The following ARIH1 variants were observed in gnomAD, a reference collection of about 807,000 sequenced individuals.
ARIH1 encodes the protein E3 ubiquitin-protein ligase ARIH1.
In ARIH1, 8 loss-of-function variants were observed where a neutral mutation model predicts 85.0. That is an observed-to-expected ratio of 0.09 (90% CI 0.06 to 0.17). The LOEUF is 0.17. Among genes scored for constraint, ARIH1 ranks in the 10% least tolerant of loss-of-function variants. The probability of loss-of-function intolerance (pLI) is 1.00; values close to 1 mark genes in which losing one functional copy is unlikely to be tolerated. For synonymous variants in ARIH1, 238 were observed against 253.6 expected (o/e 0.94, Z 0.59); for missense variants, 311 against 718.1 (o/e 0.43, Z 6.48).
rs2064375421 is a variant in ARIH1 at position 72,599,678 on chromosome 15, T to C, written c.*16386T>C. ...AAACATGAATGGAAGCATACTATATTTTCTACACTTTATTTGTTTTATGTA... is the reference window on the plus strand; with the variant it reads ...AAACATGAATGGAAGCATACTATATCTTCTACACTTTATTTGTTTTATGTA... On this transcript the variant is annotated 3_prime_UTR_variant, in exon 14 of 14. Coordinates refer to ENST00000379887, the MANE Select transcript of ARIH1 (RefSeq NM_005744.5). 1 of 152,190 alleles carries C rather than the reference T, an allele frequency of 6.6e-6. No homozygotes were observed. Among genetic ancestry groups the C allele is most frequent in the African/African-American group, 2.4e-5 (1 of 41,426 alleles). 9.4% of individuals were successfully genotyped at this position (152,190 alleles called of 1,614,324 possible).
intron 1 of ARIH1, among the ~76,000 whole-genome samples, chr15:72,489,196 C>T (rs554594322): frequency 7.4e-6 from 1 of 134,418 alleles, no homozygotes; most frequent in Admixed American, 9.0e-5. Flanking sequence ...TGTAGTAAGC[C>T]GAGATTGTGC....
chr15:72,483,568 G>A (rs541790139), intron 1 of ARIH1, among the ~76,000 whole-genome samples: 2 of 152,284 alleles, frequency 1.3e-5, no homozygotes, highest in Admixed American at 1.3e-4. Context: ...CTGTTAAGAG[G>A]TAAATTACAG....
At chr15:72,546,998 G>A (rs749010704) in intron 3 of ARIH1, among the ~76,000 whole-genome samples, 12 of 151,824 alleles carry the variant, frequency 7.9e-5, no homozygotes, top group Non-Finnish European at 1.3e-4. Flanking sequence ...TGCGATCTCG[G>A]CTCACTGCAA....
At chr15:72,559,236 C>A (rs2064187425) in intron 5 of ARIH1, among the ~76,000 whole-genome samples, 1 of 151,974 alleles carries the variant, frequency 6.6e-6, no homozygotes, top group African/African-American at 2.4e-5. Context: ...GCAGTTCAAA[C>A]CTGTGTTGTT....
At chr15:72,553,967 C>G (rs905622301) in intron 3 of ARIH1, among the ~76,000 whole-genome samples, 2 of 152,080 alleles carry the variant, frequency 1.3e-5, no homozygotes, top group Admixed American at 6.6e-5. Context: ...TATTTTCATT[C>G]TTTTACAAGA....
In ARIH1 at chr15:72,590,209, C is replaced by T. The variant is rs937761712; in HGVS notation, c.*6917C>T. 3 of 152,128 alleles carry T rather than the reference C, an allele frequency of 2.0e-5. No homozygotes were observed. Among genetic ancestry groups the T allele is most frequent in the African/African-American group, 7.2e-5 (3 of 41,418 alleles). 9.4% of individuals were successfully genotyped at this position (152,128 alleles called of 1,614,324 possible). A position where few individuals can be genotyped will look rare whatever the true frequency, so the allele number is the denominator to read the frequency against. On this transcript the variant is annotated 3_prime_UTR_variant, in exon 14 of 14. Coordinates refer to ENST00000379887, the MANE Select transcript of ARIH1 (RefSeq NM_005744.5). ...CATAGACTCGGTGGATTGCCCAAGG[C>T]CACTCAACCAGTTAATATCAGAGCC...
rs1184187470 is a variant in ARIH1 at position 72,600,911 on chromosome 15, C to T, written c.*17619C>T. The T allele has an allele frequency of 6.6e-6, 1 of 152,184 alleles. No individual in the cohort carries two copies. The highest frequency in any genetic ancestry group is 1.5e-5 in the Non-Finnish European group (1 of 68,038). The allele number at this position is 152,184 out of a possible 1,614,324, so 9.4% of individuals were successfully genotyped here. A position where few individuals can be genotyped will look rare whatever the true frequency, so the allele number is the denominator to read the frequency against. On this transcript the variant is annotated 3_prime_UTR_variant, in exon 14 of 14. Coordinates refer to ENST00000379887, the MANE Select transcript of ARIH1 (RefSeq NM_005744.5). Reference sequence around the variant, plus strand: ...AGAATGTCATTTGCTCCTCACAGGACCCCTTTCAGGGAGATTTCACATATT... The same window carrying T: ...AGAATGTCATTTGCTCCTCACAGGATCCCTTTCAGGGAGATTTCACATATT...
intron 1 of ARIH1, among the ~76,000 whole-genome samples, chr15:72,480,080 A>G (rs1595847042): frequency 6.6e-6 from 1 of 151,168 alleles, no homozygotes; most frequent in East Asian, 2.0e-4. Flanking sequence ...CATGTTAGCC[A>G]GGATGATCTG....
intron 2 of ARIH1, among the ~76,000 whole-genome samples, chr15:72,522,078 G>T (rs1387157289): frequency 6.6e-6 from 1 of 151,454 alleles, no homozygotes; most frequent in African/African-American, 2.4e-5. Flanking sequence ...TGTTTTGTGG[G>T]TACAATTTTT....
At chr15:72,484,626 C>T (rs1033678333) in intron 1 of ARIH1, among the ~76,000 whole-genome samples, 5 of 150,054 alleles carry the variant, frequency 3.3e-5, no homozygotes, top group African/African-American at 1.2e-4. Flanking sequence ...GAGTAGTATT[C>T]CATCATATAT....
At chr15:72,549,078 C>G (rs1161246228) in intron 3 of ARIH1, among the ~76,000 whole-genome samples, 2 of 149,630 alleles carry the variant, frequency 1.3e-5, no homozygotes, top group South Asian at 2.1e-4. Flanking sequence ...ACTACAGCGT[C>G]TCTCTCTCTC....
intron 2 of ARIH1, among the ~76,000 whole-genome samples, chr15:72,537,395 T>C (rs558139300): frequency 6.6e-6 from 1 of 152,268 alleles, no homozygotes; most frequent in Non-Finnish European, 1.5e-5. Flanking sequence ...TTTTTAAAAG[T>C]CCAATAGTTT....
intron 1 of ARIH1, among the ~76,000 whole-genome samples, chr15:72,494,720 A>G (rs1221213433): frequency 6.6e-6 from 1 of 151,878 alleles, no homozygotes; most frequent in South Asian, 2.1e-4. Context: ...AAACTGGGAG[A>G]GTAGTGAGTA....
chr15:72,501,643 A>G (rs1310067448), intron 1 of ARIH1, among the ~76,000 whole-genome samples: 1 of 152,232 alleles, frequency 6.6e-6, no homozygotes, highest in East Asian at 1.9e-4. Flanking sequence ...ATGCCACAGC[A>G]GATACGTGGA....
chr15:72,541,498 T>C (rs2064107378), intron 2 of ARIH1, among the ~76,000 whole-genome samples: 1 of 152,170 alleles, frequency 6.6e-6, no homozygotes, highest in Non-Finnish European at 1.5e-5. Flanking sequence ...ACTCTTGATA[T>C]AATTGTAGTA....
Position 72,586,610 on chromosome 15 carries a change from A to G in ARIH1, c.*3318A>G, listed in dbSNP as rs886070986. 2 of 152,186 alleles carry G rather than the reference A, an allele frequency of 1.3e-5. No individual in the cohort carries two copies. The highest frequency in any genetic ancestry group is 1.3e-4 in the Admixed American group (2 of 15,272). 9.4% of individuals were successfully genotyped at this position (152,186 alleles called of 1,614,324 possible). A position where few individuals can be genotyped will look rare whatever the true frequency, so the allele number is the denominator to read the frequency against. On this transcript the variant is annotated 3_prime_UTR_variant, in exon 14 of 14. Transcript: ENST00000379887. ...AGTTAAAAAATGACTAAAGGTGGCTAATAGCCACCCGTATTATGTGCCTTA... is the reference window on the plus strand; with the variant it reads ...AGTTAAAAAATGACTAAAGGTGGCTGATAGCCACCCGTATTATGTGCCTTA...
In ARIH1 at chr15:72,593,975, T is replaced by A. The variant is rs2140446241; in HGVS notation, c.*10683T>A. The A allele has an allele frequency of 6.6e-6, 1 of 152,038 alleles. No individual in the cohort carries two copies. Among genetic ancestry groups the A allele is most frequent in the African/African-American group, 2.4e-5 (1 of 41,548 alleles). 9.4% of individuals were successfully genotyped at this position (152,038 alleles called of 1,614,324 possible). On this transcript the variant is annotated 3_prime_UTR_variant, in exon 14 of 14. Transcript: ENST00000379887. Reference sequence around the variant, plus strand: ...GTTTTGTTGAGTCTATAGGTCAATTTAGAATGAACATTTTAATAGTATTGA... The same window carrying A: ...GTTTTGTTGAGTCTATAGGTCAATTAAGAATGAACATTTTAATAGTATTGA...
In ARIH1 at chr15:72,576,606, T is replaced by A. The variant is rs192785761; in HGVS notation, c.1216-4125T>A. On this transcript the variant is annotated intron_variant, in intron 11 of 13. Transcript: ENST00000379887. ...AATCAGGTATTGGAAATACTTTATC[T>A]TTTTAAAAGTCCATTCCCTCTAGAG... Among the ~76,000 whole-genome samples, 65 of 152,232 alleles carry A rather than the reference T, an allele frequency of 4.3e-4. 1 individual carries two copies. The East Asian group carries it at 5.6e-3, about 13-fold the overall frequency.
chr15:72,560,121 C>A (rs902958948), intron 5 of ARIH1, among the ~76,000 whole-genome samples: 3 of 152,186 alleles, frequency 2.0e-5, no homozygotes. Context: ...GAGATTTACT[C>A]ATTTAAAAAA....
Sources: allele counts gnomAD v4.1 joint callset (sites outside exome capture counted in the v4.1 genomes callset), GRCh38; gene constraint gnomAD v4.1.1; transcripts MANE v1.5; gene names NCBI Gene and HGNC (gene_info 2026-07-23, HGNC 2026-07-21).